Variants in COBLL1 observed in about 807,000 individuals in gnomAD.
COBLL1 encodes cordon-bleu protein-like 1.
In COBLL1, 50 loss-of-function variants were observed where a neutral mutation model predicts 94.8. The observed-to-expected ratio is 0.53, with a 90% CI of 0.42 to 0.67. The LOEUF (loss-of-function observed/expected upper bound fraction) is 0.67. COBLL1 is among the 30% of genes least tolerant of loss of function. The pLI, the probability that COBLL1 is intolerant of heterozygous loss-of-function variation, is 0.00. For missense variants in COBLL1, 1,362 were observed against 1,348.7 expected (o/e 1.01, Z -0.15); for synonymous variants, 448 against 473.8 (o/e 0.95, Z 0.71).
chr2:164,765,296 A>G (rs887797525), intron 2 of COBLL1, among the ~76,000 whole-genome samples: 10 of 152,194 alleles, frequency 6.6e-5, no homozygotes, highest in Non-Finnish European at 1.5e-4. Context: ...TCAAAAAACA[A>G]TATAAACACA....
intron 2 of COBLL1, among the ~76,000 whole-genome samples, chr2:164,788,353 A>G (rs1358957881): frequency 6.6e-6 from 1 of 152,202 alleles, no homozygotes; most frequent in Non-Finnish European, 1.5e-5. Flanking sequence ...TCCACATATC[A>G]TAAGGCCTAG....
At chr2:164,687,281 C>T in intron 13 of COBLL1, 1 of 570,416 alleles carries the variant, frequency 1.8e-6, no homozygotes, top group Non-Finnish European at 3.1e-6. Context: ...ACAGTGAAAG[C>T]CCTCATGAGT....
chr2:164,672,728 A>AT (rs1553466750), intron 1 of COBLL1, among the ~76,000 whole-genome samples: 66 of 132,540 alleles, frequency 5.0e-4, no homozygotes, highest in African/African-American at 1.4e-3. Flanking sequence ...AAAAAAAAAA[A>AT]ATGACTTTGT....
chr2:164,808,028 C>T (rs1684273216), intron 2 of COBLL1, among the ~76,000 whole-genome samples: 2 of 152,074 alleles, frequency 1.3e-5, no homozygotes, highest in African/African-American at 4.8e-5. Flanking sequence ...CCATGTTCAC[C>T]AGGCTGGTCT....
chr2:164,749,554 C>T (rs962395102), intron 2 of COBLL1, among the ~76,000 whole-genome samples: 3 of 152,034 alleles, frequency 2.0e-5, no homozygotes, highest in African/African-American at 4.8e-5. Context: ...TTTCTCAACA[C>T]GATTTCTCAG....
At chr2:164,772,059 A>G (rs1244911129) in intron 2 of COBLL1, 1 of 151,778 alleles carries the variant, frequency 6.6e-6, no homozygotes, top group Admixed American at 6.6e-5. Context: ...TAATGACATC[A>G]TTAAGTTTGC....
In COBLL1 at chr2:164,683,615, CA is replaced by C. The variant is rs1461369128; in HGVS notation, c.*2330del. 6.6e-6 allele frequency: 1 copy of C among 152,094 alleles called. No homozygotes were observed. The highest frequency in any genetic ancestry group is 1.5e-5 in the Non-Finnish European group (1 of 68,004). The allele number at this position is 152,094 out of a possible 1,614,324, so 9.4% of individuals were successfully genotyped here. On this transcript the variant is annotated 3_prime_UTR_variant, in exon 14 of 14. Transcript: ENST00000652658. Reference sequence around the variant, plus strand: ...CACAATTGATGCCTCTTATAAATCTCAATTCAGTCTTTCTTGGTTCCCACAG... The same window carrying C: ...CACAATTGATGCCTCTTATAAATCTCATTCAGTCTTTCTTGGTTCCCACAG...
intron 2 of COBLL1, among the ~76,000 whole-genome samples, chr2:164,788,561 A>C: frequency 6.6e-6 from 1 of 152,186 alleles, no homozygotes; most frequent in South Asian, 2.1e-4. Flanking sequence ...GGCTGATTCC[A>C]TTTTATGGTT....
rs1684201499 is a variant in COBLL1, at chr2:164,700,622, T to C, written c.1360A>G (p.Thr454Ala). Residue 454 changes from threonine to alanine, a missense_variant, in exon 10 of 14, where the codon ACA becomes GCA. Transcript: ENST00000652658. ...IPFVSTDIINTLKNDPDSALG... is the reference protein window; with the variant it reads ...IPFVSTDIINALKNDPDSALG... ...GCTGAGTCAGGATCATTTTTCAGTG[T>C]ATTTATTATATCAGTAGATACAAAA... The C allele has an allele frequency of 6.2e-7, 1 of 1,613,478 alleles. No individual in the cohort carries two copies. Among genetic ancestry groups the C allele is most frequent in the African/African-American group, 1.3e-5 (1 of 74,920 alleles).
intron 2 of COBLL1, among the ~76,000 whole-genome samples, chr2:164,661,362 C>T (rs1368144801): frequency 6.6e-6 from 1 of 151,954 alleles, no homozygotes; most frequent in African/African-American, 2.4e-5. Context: ...TTGGCTCATA[C>T]AAAGAAGAAA....
chr2:164,687,956 G>A (rs1313540767), intron 13 of COBLL1, among the ~76,000 whole-genome samples: 1 of 152,104 alleles, frequency 6.6e-6, no homozygotes, highest in Non-Finnish European at 1.5e-5. Context: ...TATGCTCATT[G>A]TACCACCATA....
intron 12 of COBLL1, among the ~76,000 whole-genome samples, chr2:164,693,449 G>A (rs1020911584): frequency 3.3e-5 from 5 of 152,092 alleles, no homozygotes; most frequent in African/African-American, 1.2e-4. Flanking sequence ...AAATATGAAT[G>A]TATTCTTTAA....
chr2:164,775,004 A>C (rs994623938), intron 2 of COBLL1, among the ~76,000 whole-genome samples: 9 of 152,232 alleles, frequency 5.9e-5, no homozygotes, highest in African/African-American at 1.9e-4. Context: ...ACTTCAAAAA[A>C]CAAGATGTTC....
At chr2:164,678,768 G>A (rs1488527788), downstream of COBLL1, among the ~76,000 whole-genome samples, 1 of 152,084 alleles carries the variant, frequency 6.6e-6, no homozygotes, top group Non-Finnish European at 1.5e-5. Flanking sequence ...GACAACTTAC[G>A]TTTCTAGCAT....
intron 3 of COBLL1, among the ~76,000 whole-genome samples, chr2:164,738,843 T>A (rs1409532045): frequency 6.6e-6 from 1 of 152,168 alleles, no homozygotes; most frequent in Non-Finnish European, 1.5e-5. Flanking sequence ...CTCAAAAAGT[T>A]TTGGAATTTG....
At chr2:164,841,844 G>C, upstream of COBLL1, 1 of 732,472 alleles carries the variant, frequency 1.4e-6, no homozygotes, top group South Asian at 1.9e-5. The surrounding 1 kb of genome is among the most constrained non-coding windows in gnomAD (Gnocchi z 5.5). Flanking sequence ...CAACCCCTGC[G>C]AGGCTCAGCC....
At chr2:164,701,334 A>C (rs752759680) in intron 9 of COBLL1, among the ~76,000 whole-genome samples, 2 of 152,212 alleles carry the variant, frequency 1.3e-5, no homozygotes, top group Non-Finnish European at 2.9e-5. Context: ...CTACTATGCA[A>C]CCTCAGTTAA....
intron 2 of COBLL1, among the ~76,000 whole-genome samples, chr2:164,804,791 T>C (rs1479961949): frequency 6.6e-6 from 1 of 152,168 alleles, no homozygotes; most frequent in Non-Finnish European, 1.5e-5. Flanking sequence ...AGATGCTAAC[T>C]ACACAAGGCC....
At chr2:164,833,729 C>T (rs1382201891) in intron 2 of COBLL1, among the ~76,000 whole-genome samples, 1 of 152,122 alleles carries the variant, frequency 6.6e-6, no homozygotes, top group Non-Finnish European at 1.5e-5. Context: ...GGATTACAGG[C>T]GTAAGCCACC....
Sources: allele counts gnomAD v4.1 joint callset (sites outside exome capture counted in the v4.1 genomes callset), GRCh38; gene constraint gnomAD v4.1.1; non-coding constraint Gnocchi (gnomAD v3.1); transcripts MANE v1.5; gene names NCBI Gene and HGNC (gene_info 2026-07-23, HGNC 2026-07-21).